AGBL4: variants seen among roughly 807,000 people sequenced by gnomAD.
AGBL4 encodes the protein AGBL carboxypeptidase 4, also known as cytosolic carboxypeptidase 6.
Under a neutral mutation model 66.4 loss-of-function variants are expected in AGBL4, and 58 were observed. The observed-to-expected ratio is 0.87, with a 90% confidence interval of 0.71 to 1.09. The LOEUF is 1.09. Among genes scored for constraint, AGBL4 ranks in the 50% least tolerant of loss-of-function variants. The probability of loss-of-function intolerance (pLI) is 0.00; values close to 1 mark genes in which losing one functional copy is unlikely to be tolerated. For synonymous variants in AGBL4, 234 were observed against 222.9 expected (o/e 1.05, Z -0.44); for missense variants, 579 against 631.0 (o/e 0.92, Z 0.88).
chr1:48,737,013 G>A (rs986821989), intron 6 of AGBL4, among the ~76,000 whole-genome samples: 2 of 152,184 alleles, frequency 1.3e-5, no homozygotes, highest in Admixed American at 6.5e-5. Flanking sequence ...GCCAGGCATG[G>A]TGGCTCACAC....
At chr1:48,754,209 G>A (rs562863185) in intron 6 of AGBL4, among the ~76,000 whole-genome samples, 2 of 152,164 alleles carry the variant, frequency 1.3e-5, no homozygotes, top group Non-Finnish European at 2.9e-5. Context: ...GAGAAACCAA[G>A]AGAGACCCTA....
At chr1:48,781,736 C>A (rs924719305) in intron 6 of AGBL4, among the ~76,000 whole-genome samples, 1 of 152,164 alleles carries the variant, frequency 6.6e-6, no homozygotes, top group African/African-American at 2.4e-5. Flanking sequence ...GAGGTAGAAT[C>A]TTTAACCTTA....
At chr1:49,193,576 G>A (rs988985083) in intron 4 of AGBL4, among the ~76,000 whole-genome samples, 2 of 150,170 alleles carry the variant, frequency 1.3e-5, no homozygotes, top group Admixed American at 6.6e-5. Context: ...CACTCAGGCT[G>A]GAGTGCAGTG....
intron 5 of AGBL4, among the ~76,000 whole-genome samples, chr1:48,953,196 C>A (rs1432933661): frequency 6.6e-6 from 1 of 152,146 alleles, no homozygotes; most frequent in African/African-American, 2.4e-5. Flanking sequence ...GAGAACCAGG[C>A]TTAAGGCTAA....
intron 6 of AGBL4, among the ~76,000 whole-genome samples, chr1:48,710,773 G>T (rs1646953554): frequency 6.6e-6 from 1 of 152,272 alleles, no homozygotes; most frequent in South Asian, 2.1e-4. Flanking sequence ...AAGACCTAAA[G>T]ATGAGTAAGA....
chr1:49,897,725 CAAACAGCATGATAATAGCATAAA>C (rs906336013), intron 1 of AGBL4, among the ~76,000 whole-genome samples: 4 of 151,848 alleles, frequency 2.6e-5, no homozygotes, highest in African/African-American at 7.2e-5. Context: ...GATAGTAACT[CAAACAGCATGATAATAGCATAAA>C]AAACAGCATG....
At chr1:49,262,609 C>T (rs1250036195) in intron 3 of AGBL4, among the ~76,000 whole-genome samples, 1 of 150,350 alleles carries the variant, frequency 6.7e-6, no homozygotes, top group African/African-American at 2.4e-5. Context: ...CAATGAGATA[C>T]CATCTCACAC....
chr1:49,057,409 C>A (rs1216788625), intron 4 of AGBL4, among the ~76,000 whole-genome samples: 1 of 152,086 alleles, frequency 6.6e-6, no homozygotes, highest in Non-Finnish European at 1.5e-5. Flanking sequence ...CAATAAAACC[C>A]TGTCTCAAAA....
At chr1:49,095,252 A>G (rs1445781397) in intron 4 of AGBL4, among the ~76,000 whole-genome samples, 2 of 152,328 alleles carry the variant, frequency 1.3e-5, no homozygotes, top group South Asian at 2.1e-4. Context: ...GCAAATGACC[A>G]TACTGCTCAA....
chr1:48,686,424 T>C (rs1646532362), intron 6 of AGBL4, among the ~76,000 whole-genome samples: 1 of 152,220 alleles, frequency 6.6e-6, no homozygotes, highest in Non-Finnish European at 1.5e-5. Flanking sequence ...GAAAATGTGC[T>C]GAATAAATGC....
At chr1:49,043,772 T>G (rs1370791041) in intron 5 of AGBL4, among the ~76,000 whole-genome samples, 1 of 152,176 alleles carries the variant, frequency 6.6e-6, no homozygotes, top group African/African-American at 2.4e-5. Flanking sequence ...GAAATCATAG[T>G]GCACACAGAA....
chr1:49,073,467 TC>T (rs1346816361), intron 4 of AGBL4, among the ~76,000 whole-genome samples: 1 of 151,410 alleles, frequency 6.6e-6, no homozygotes, highest in African/African-American at 2.4e-5. Context: ...TTGATGCTAT[TC>T]CTTCCTCTTT....
chr1:49,612,308 T>A (rs916037451), intron 3 of AGBL4, among the ~76,000 whole-genome samples: 1 of 152,204 alleles, frequency 6.6e-6, no homozygotes, highest in Non-Finnish European at 1.5e-5. Flanking sequence ...TGTTGTTTTA[T>A]CTCGTTTATA....
At chr1:49,729,873 T>A (rs1649300923) in intron 2 of AGBL4, among the ~76,000 whole-genome samples, 1 of 152,158 alleles carries the variant, frequency 6.6e-6, no homozygotes, top group Non-Finnish European at 1.5e-5. Context: ...GGAGGGTCCC[T>A]GGTGAAACCC....
intron 4 of AGBL4, among the ~76,000 whole-genome samples, chr1:49,219,965 TG>T (rs1649369455): frequency 6.6e-6 from 1 of 152,154 alleles, no homozygotes; most frequent in African/African-American, 2.4e-5. Flanking sequence ...TTTTAGTTTT[TG>T]TTTTTTTTTC....
At chr1:49,840,198 G>C (rs1355772205) in intron 2 of AGBL4, among the ~76,000 whole-genome samples, 1 of 151,914 alleles carries the variant, frequency 6.6e-6, no homozygotes, top group Admixed American at 6.6e-5. Flanking sequence ...TTCAATCTTG[G>C]GACATAGTGT....
intron 5 of AGBL4, among the ~76,000 whole-genome samples, chr1:49,042,101 CT>C (rs1643956967): frequency 6.6e-6 from 1 of 151,766 alleles, no homozygotes; most frequent in Non-Finnish European, 1.5e-5. Flanking sequence ...CCTTTTTCCC[CT>C]GGTACAGAAT....
intron 1 of AGBL4, among the ~76,000 whole-genome samples, chr1:49,993,578 A>G (rs999866856): frequency 2.0e-5 from 3 of 152,164 alleles, no homozygotes; most frequent in Non-Finnish European, 4.4e-5. Context: ...TCTTCAAAAT[A>G]CTTGCTGCCC....
chr1:49,601,185 G>T (rs551914866), intron 3 of AGBL4, among the ~76,000 whole-genome samples: 1 of 152,166 alleles, frequency 6.6e-6, no homozygotes, highest in East Asian at 1.9e-4. Flanking sequence ...GTCTTGCTAG[G>T]TTGGGATATT....
Sources: gnomAD v4.1 joint callset for allele counts (sites outside exome capture counted in the v4.1 genomes callset) on GRCh38, gnomAD v4.1.1 for gene constraint, MANE v1.5 for transcripts, NCBI Gene and HGNC (gene_info 2026-07-23, HGNC 2026-07-21) for gene names.